TLCD3B: variants seen among roughly 807,000 people sequenced by gnomAD.
The protein encoded by TLCD3B is ceramide synthase.
A neutral mutation model predicts 23.0 loss-of-function variants in TLCD3B; 9 were observed. That is an observed-to-expected ratio of 0.39 (90% CI 0.24 to 0.68). The LOEUF is 0.68. TLCD3B is among the 30% of genes least tolerant of loss of function. TLCD3B has a pLI of 0.44. For synonymous variants in TLCD3B, 161 were observed against 161.0 expected, an observed-to-expected ratio of 1.00 and a Z score of 0.00; for missense variants, 307 against 371.8, an observed-to-expected ratio of 0.83 and a Z score of 1.43.
rs769225995 is a variant in TLCD3B at position 30,030,413 on chromosome 16, C to T, written c.115G>A (p.Val39Ile). ...LRWEEADAVIVSARLVSSVQA... is the reference protein window; with the variant it reads ...LRWEEADAVIISARLVSSVQA... ...AAGAAAGTGGTTTACCTGGCTGAGA[C>T]AATGACTGCGTCGGCCTCCTCCCAG... The change falls in exon 1 of 5, where the codon GTC becomes ATC. Residue 39 changes from valine (V) to isoleucine (I), a missense_variant. Val to Ile is a conservative substitution (Grantham distance 29). Coordinates refer to ENST00000380495, the MANE Select transcript of TLCD3B (RefSeq NM_031478.6). 6.3e-7 allele frequency: 1 copy of T among 1,583,914 alleles called. No homozygotes were observed.
chr16:30,037,120 A>T (rs1029633769), intron 3 of TLCD3B, among the ~76,000 whole-genome samples: 6 of 151,452 alleles, frequency 4.0e-5, no homozygotes, highest in Admixed American at 2.6e-4. Flanking sequence ...TAAAATAAAA[A>T]AAAAACAGCA....
chr16:30,051,291 T>G (rs1239695863), intron 1 of TLCD3B, among the ~76,000 whole-genome samples: 2 of 151,752 alleles, frequency 1.3e-5, no homozygotes, highest in African/African-American at 4.8e-5. Flanking sequence ...CCCAGCACTT[T>G]GGGAGGCCAA....
intron 3 of TLCD3B, among the ~76,000 whole-genome samples, chr16:30,040,332 G>GTA (rs1305410984): frequency 2.0e-5 from 3 of 151,774 alleles, no homozygotes; most frequent in African/African-American, 7.3e-5. Context: ...AGCACCCACT[G>GTA]TATGCCAGGC....
chr16:30,040,147 A>AAAAAAAATATATATATATATAT, intron 3 of TLCD3B, among the ~76,000 whole-genome samples: 1 of 95,910 alleles, frequency 1.0e-5, no homozygotes, highest in African/African-American at 4.3e-5. Flanking sequence ...AAAAAAAAAA[A>AAAAAAAATATATATATATATAT]ATATATATAT....
upstream of TLCD3B, chr16:30,035,423 G>T: frequency 7.8e-7 from 1 of 1,289,614 alleles, no homozygotes; most frequent in Non-Finnish European, 1.0e-6. Flanking sequence ...CCAGCGCAGG[G>T]CAGTGAAGCA....
upstream of TLCD3B, among the ~76,000 whole-genome samples, chr16:30,034,584 C>CAAT (rs60612094): frequency 0.47 from 70,417 of 151,424 alleles, 16,533 homozygotes; most frequent in African/African-American, 0.51. Flanking sequence ...GTCTCAACAA[C>CAAT]GACAAAGAAT....
chr16:30,051,587 A>G (rs548672911), intron 1 of TLCD3B, among the ~76,000 whole-genome samples: 261 of 152,180 alleles, frequency 1.7e-3, no homozygotes, highest in Non-Finnish European at 2.9e-3. Flanking sequence ...ATCAGTGAGT[A>G]TTCACCAAGG....
chr16:30,048,660 CATGATCTCA>C (rs1034882640), intron 1 of TLCD3B, among the ~76,000 whole-genome samples: 2 of 151,690 alleles, frequency 1.3e-5, no homozygotes, highest in Non-Finnish European at 2.9e-5. Context: ...AGTTCAGTGA[CATGATCTCA>C]ACTCACTGCA....
intron 3 of TLCD3B, chr16:30,036,618 T>G (rs2071479167): frequency 6.3e-6 from 2 of 317,068 alleles, no homozygotes; most frequent in South Asian, 5.4e-5. Flanking sequence ...GGTGCCATCC[T>G]CCTAATGGCC....
rs1163195806 is a variant in TLCD3B at position 30,025,659 on chromosome 16, C to A, written c.540+67G>T. ...AAGGGGCTAGAGCCCTTGGCAGCAACCTTGAAGGTCCCTCCCCTTCCTGTG... is the reference window on the plus strand; with the variant it reads ...AAGGGGCTAGAGCCCTTGGCAGCAAACTTGAAGGTCCCTCCCCTTCCTGTG... On this transcript the variant is annotated intron_variant, in intron 4 of 4. Coordinates refer to ENST00000380495, the MANE Select transcript of TLCD3B (RefSeq NM_031478.6). The surrounding 1 kb of genome is among the most constrained non-coding windows in gnomAD (Gnocchi z 4.1). 6.5e-7 allele frequency: 1 copy of A among 1,548,456 alleles called. No individual in the cohort carries two copies. The highest frequency in any genetic ancestry group is 8.9e-7 in the Non-Finnish European group (1 of 1,120,972).
intron 1 of TLCD3B, among the ~76,000 whole-genome samples, chr16:30,048,010 C>A (rs576940133): frequency 6.6e-6 from 1 of 151,794 alleles, no homozygotes; most frequent in African/African-American, 2.4e-5. Flanking sequence ...GGCGTGGTGG[C>A]GGGTGCCTGT....
At chr16:30,027,784 T>C in intron 2 of TLCD3B, 1 of 407,138 alleles carries the variant, frequency 2.5e-6, no homozygotes, top group Admixed American at 2.6e-5. Context: ...TGGCCTGGGG[T>C]GGGGGCAGGA....
chr16:30,026,979 G>C (rs1377533332), intron 2 of TLCD3B, 136 bp from the exon 3 acceptor site: 1 of 764,450 alleles, frequency 1.3e-6, no homozygotes, highest in East Asian at 2.7e-5. Flanking sequence ...CCAGAGGGTA[G>C]AGGGTGAGAA....
At chr16:30,026,961 T>A in intron 2 of TLCD3B, 118 bp from the exon 3 acceptor site, 1 of 838,418 alleles carries the variant, frequency 1.2e-6, no homozygotes, top group South Asian at 1.5e-5. Context: ...TGGGTACAGA[T>A]GAGGGATCCA....
At position 30,030,594 on chromosome 16, in the gene TLCD3B, G is replaced by A; in HGVS notation, c.-67C>T. On this transcript the variant is annotated 5_prime_UTR_variant, in exon 1 of 5. Coordinates refer to ENST00000380495, the MANE Select transcript of TLCD3B (RefSeq NM_031478.6). ...GGGGCAGGGAGGCCGAGTGGAAGGA[G>A]TTAGGGGTGGAGAAGGGACGCCAAG... 1 of 1,466,436 alleles carries A rather than the reference G, an allele frequency of 6.8e-7. No homozygotes were observed. The highest frequency in any genetic ancestry group is 2.6e-5 in the East Asian group (1 of 38,828). The allele number at this position is 1,466,436 out of a possible 1,614,324, so 90.8% of individuals were successfully genotyped here.
rs1016257495 is a variant in TLCD3B, at chr16:30,025,625, G to A, written c.540+101C>T. ...TGCTCAAAATGCACGGGGTGAGGGG[G>A]GGATGACGAAGGGGCTAGAGCCCTT... On this transcript the variant is annotated intron_variant, in intron 4 of 4. Coordinates refer to ENST00000380495, the MANE Select transcript of TLCD3B (RefSeq NM_031478.6). The surrounding 1 kb of genome is among the most constrained non-coding windows in gnomAD (Gnocchi z 4.1). 2 of 1,471,674 alleles carry A rather than the reference G, an allele frequency of 1.4e-6. No individual in the cohort carries two copies. The highest frequency in any genetic ancestry group is 1.9e-6 in the Non-Finnish European group (2 of 1,052,850). 91.2% of individuals were successfully genotyped at this position (1,471,674 alleles called of 1,614,324 possible).
chr16:30,028,750 A>T (rs2071252909), intron 2 of TLCD3B, among the ~76,000 whole-genome samples: 1 of 152,064 alleles, frequency 6.6e-6, no homozygotes. Context: ...TGAAAGCTAC[A>T]AAGGGGGCGT....
At chr16:30,033,521 C>G (rs1323539777), upstream of TLCD3B, 1 of 152,184 alleles carries the variant, frequency 6.6e-6, no homozygotes, top group Non-Finnish European at 1.5e-5. Context: ...GCTGATACTG[C>G]ACTTTTATGG....
In TLCD3B at chr16:30,024,484, C is replaced by A; in HGVS notation, c.*699G>T. ...TCTGTAAAGCACCTCCCAGGGTCCC[C>A]CGACCCCAGATTGGAGGAAGCCTTG... On this transcript the variant is annotated 3_prime_UTR_variant, in exon 5 of 5. Transcript: ENST00000380495. 1.8e-6 allele frequency: 1 copy of A among 559,006 alleles called. No homozygotes were observed. Among genetic ancestry groups the A allele is most frequent in the Non-Finnish European group, 3.1e-6 (1 of 317,684 alleles). 34.6% of individuals were successfully genotyped at this position (559,006 alleles called of 1,614,324 possible).
Sources: gnomAD v4.1 joint callset for allele counts (sites outside exome capture counted in the v4.1 genomes callset) on GRCh38, gnomAD v4.1.1 for gene constraint, Gnocchi (gnomAD v3.1) non-coding constraint, MANE v1.5 for transcripts, NCBI Gene and HGNC (gene_info 2026-07-23, HGNC 2026-07-21) for gene names.